NCK2: variants seen among roughly 807,000 people sequenced by gnomAD.
The protein encoded by NCK2 is NCK adaptor protein 2, also known as cytoplasmic protein NCK2.
A neutral mutation model predicts 33.9 loss-of-function variants in NCK2; 16 were observed. That is an observed-to-expected ratio of 0.47 (90% confidence interval 0.32 to 0.72). The LOEUF (loss-of-function observed/expected upper bound fraction) is 0.72, where lower values mean the gene tolerates loss of function less well. Among genes scored for constraint, NCK2 ranks in the 30% least tolerant of loss-of-function variants. NCK2 has a pLI of 0.03. For missense variants in NCK2, 418 were observed against 537.3 expected (o/e 0.78, Z 2.19); for synonymous variants, 273 against 239.9 (o/e 1.14, Z -1.27).
At chr2:105,746,106 CG>C (rs1203489259) in intron 1 of NCK2, among the ~76,000 whole-genome samples, 4 of 152,326 alleles carry the variant, frequency 2.6e-5, no homozygotes, top group Admixed American at 6.5e-5. Context: ...TGCGTGGAGT[CG>C]GCCTTGGCCA....
chr2:105,793,980 T>A (rs1386590288), intron 1 of NCK2, among the ~76,000 whole-genome samples: 1 of 152,164 alleles, frequency 6.6e-6, no homozygotes, highest in African/African-American at 2.4e-5. Flanking sequence ...TTAAACATAA[T>A]CTATTATAAA....
At chr2:105,823,810 G>T (rs1287669850) in intron 2 of NCK2, among the ~76,000 whole-genome samples, 1 of 152,032 alleles carries the variant, frequency 6.6e-6, no homozygotes, top group Non-Finnish European at 1.5e-5. Flanking sequence ...CAAGTTAATT[G>T]GTGAGATTTG....
chr2:105,820,051 G>A (rs1007464120), intron 2 of NCK2, among the ~76,000 whole-genome samples: 2 of 152,216 alleles, frequency 1.3e-5, no homozygotes, highest in Non-Finnish European at 2.9e-5. Context: ...CTTGAGGCAG[G>A]GATCAACTGA....
Position 105,881,590 on chromosome 2 carries a change from C to G in NCK2, c.489C>G (p.Asn163Lys). 3 of 1,613,894 alleles carry G rather than the reference C, an allele frequency of 1.9e-6. No individual in the cohort carries two copies. Among genetic ancestry groups the G allele is most frequent in the Non-Finnish European group, 2.5e-6 (3 of 1,180,006 alleles). Reference protein sequence around the residue: ...YNGQIGWFPSNYVLEEVDEAA... With the variant: ...YNGQIGWFPSKYVLEEVDEAA... ...GGCAGATCGGCTGGTTCCCCTCCAA[C>G]TACGTCTTGGAGGAGGTGGACGAGG... Residue 163 changes from asparagine to lysine, a missense_variant, in exon 4 of 5, where the codon AAC becomes AAG. Asn to Lys is a moderately conservative substitution (Grantham distance 94, BLOSUM62 0). Coordinates refer to ENST00000233154, the MANE Select transcript of NCK2 (RefSeq NM_003581.5).
At chr2:105,760,061 T>C (rs566463862) in intron 1 of NCK2, among the ~76,000 whole-genome samples, 33 of 152,312 alleles carry the variant, frequency 2.2e-4, no homozygotes, top group African/African-American at 7.5e-4. Context: ...TTCCCTTCTT[T>C]CCATACTGCT....
At chr2:105,848,998 T>G (rs986765721) in intron 2 of NCK2, among the ~76,000 whole-genome samples, 17 of 152,234 alleles carry the variant, frequency 1.1e-4, no homozygotes, top group African/African-American at 3.9e-4. Flanking sequence ...TGCACACATG[T>G]GCACATATGT....
At position 105,855,303 on chromosome 2, in the gene NCK2, C is replaced by T; in HGVS notation, c.226+14C>T. Reference sequence around the variant, plus strand: ...AGGACACACTAGGTGAGTGTTTCACCCTCGAGAGAGGAAGCCTTGTGCATT... The same window carrying T: ...AGGACACACTAGGTGAGTGTTTCACTCTCGAGAGAGGAAGCCTTGTGCATT... On this transcript the variant is annotated intron_variant, in intron 3 of 4. Transcript: ENST00000233154. 1.3e-6 allele frequency: 2 copies of T among 1,567,128 alleles called. No individual in the cohort carries two copies. The highest frequency in any genetic ancestry group is 1.7e-6 in the Non-Finnish European group (2 of 1,147,890).
chr2:105,857,820 C>T (rs979758430), intron 3 of NCK2, among the ~76,000 whole-genome samples: 1 of 152,158 alleles, frequency 6.6e-6, no homozygotes, highest in African/African-American at 2.4e-5. Flanking sequence ...ATGTTGTTAT[C>T]TCAGCATGAG....
intron 1 of NCK2, among the ~76,000 whole-genome samples, chr2:105,804,213 G>A (rs1674947285): frequency 6.6e-6 from 1 of 152,208 alleles, no homozygotes; most frequent in African/African-American, 2.4e-5. Context: ...TTTCCTCACT[G>A]CACAAAATTT....
At chr2:105,796,587 C>G (rs1223789377) in intron 1 of NCK2, among the ~76,000 whole-genome samples, 1 of 152,072 alleles carries the variant, frequency 6.6e-6, no homozygotes, top group African/African-American at 2.4e-5. Context: ...CTGGACTGAG[C>G]CTGGGAGCTG....
chr2:105,759,709 C>T lies in NCK2; in HGVS notation c.-201+14571C>T, dbSNP rs528076792. ...GACATCCTTTTTCTGTCCCAGGATCCCATCCAGGGCACGTTTCCTTTAGTC... is the reference window on the plus strand; with the variant it reads ...GACATCCTTTTTCTGTCCCAGGATCTCATCCAGGGCACGTTTCCTTTAGTC... On this transcript the variant is annotated intron_variant, in intron 1 of 4. Coordinates refer to ENST00000233154, the MANE Select transcript of NCK2 (RefSeq NM_003581.5). Among the ~76,000 whole-genome samples the T allele has an allele frequency of 2.6e-5, 4 of 152,250 alleles. No homozygotes were observed. In the South Asian group the frequency reaches 8.3e-4, roughly 32 times the overall value.
At chr2:105,816,065 AAGAGGG>A (rs1430537091) in intron 1 of NCK2, among the ~76,000 whole-genome samples, 2 of 137,180 alleles carry the variant, frequency 1.5e-5, no homozygotes, top group Non-Finnish European at 3.4e-5. Context: ...GAAAGGTGGG[AAGAGGG>A]AGTACATGTG....
At chr2:105,831,410 C>CTTTTTTTTTTTT (rs56247904) in intron 2 of NCK2, among the ~76,000 whole-genome samples, 1 of 144,846 alleles carries the variant, frequency 6.9e-6, no homozygotes. Flanking sequence ...AGCATGATAT[C>CTTTTTTTTTTTT]TTTTTTTTTT....
At chr2:105,889,230 TCCCTTCAGGGGA>T (rs553268953) in intron 4 of NCK2, among the ~76,000 whole-genome samples, 54 of 152,304 alleles carry the variant, frequency 3.5e-4, no homozygotes, top group African/African-American at 1.1e-3. Flanking sequence ...GTCCCAGCTG[TCCCTTCAGGGGA>T]AATTCCCTAT....
chr2:105,821,601 A>C (rs1166423030), intron 2 of NCK2, among the ~76,000 whole-genome samples: 2 of 152,138 alleles, frequency 1.3e-5, no homozygotes, highest in African/African-American at 4.8e-5. Context: ...AAACATTGCC[A>C]CATTGATTCC....
Position 105,894,160 on chromosome 2 carries a change from A to C in NCK2, c.*984A>C, listed in dbSNP as rs1339417322. ...TACATTTGAACTTCTTTATAGTTTAAATATAACGTCTTGAGATGGCACATT... is the reference window on the plus strand; with the variant it reads ...TACATTTGAACTTCTTTATAGTTTACATATAACGTCTTGAGATGGCACATT... On this transcript the variant is annotated 3_prime_UTR_variant, in exon 5 of 5. Coordinates refer to ENST00000233154, the MANE Select transcript of NCK2 (RefSeq NM_003581.5). 6.6e-6 allele frequency: 1 copy of C among 152,596 alleles called. No individual in the cohort carries two copies. Among genetic ancestry groups the C allele is most frequent in the Non-Finnish European group, 1.5e-5 (1 of 68,048 alleles). 9.5% of individuals were successfully genotyped at this position (152,596 alleles called of 1,614,324 possible).
At chr2:105,846,582 C>T (rs1301431702) in intron 2 of NCK2, 2 of 151,950 alleles carry the variant, frequency 1.3e-5, no homozygotes, top group Non-Finnish European at 2.9e-5. Context: ...CTAATAAATT[C>T]TATTGAGGAT....
chr2:105,859,673 C>T (rs1677437983), intron 3 of NCK2, among the ~76,000 whole-genome samples: 1 of 152,250 alleles, frequency 6.6e-6, no homozygotes, highest in South Asian at 2.1e-4. Context: ...TTCTGAGAGG[C>T]ATATCCCTGC....
chr2:105,825,010 G>A (rs1182867709), intron 2 of NCK2, among the ~76,000 whole-genome samples: 1 of 152,196 alleles, frequency 6.6e-6, no homozygotes, highest in African/African-American at 2.4e-5. Flanking sequence ...CACATTTGTT[G>A]GCTGAGTGGG....
Sources: gnomAD v4.1 joint callset for allele counts (sites outside exome capture counted in the v4.1 genomes callset) on GRCh38, gnomAD v4.1.1 for gene constraint, MANE v1.5 for transcripts, NCBI Gene and HGNC (gene_info 2026-07-23, HGNC 2026-07-21) for gene names.